GFOD1: variants seen among roughly 807,000 people sequenced by gnomAD.
The protein encoded by GFOD1 is Gfo/Idh/MocA-like oxidoreductase domain containing 1.
Under a neutral mutation model 25.4 loss-of-function variants are expected in GFOD1, and 9 were observed. That is an observed-to-expected ratio of 0.35 (90% CI 0.21 to 0.62). The LOEUF is 0.62. GFOD1 is among the 20% of genes least tolerant of loss of function. The probability of loss-of-function intolerance (pLI) is 0.72; values close to 1 mark genes in which losing one functional copy is unlikely to be tolerated. For missense variants in GFOD1, 403 were observed against 556.9 expected, an observed-to-expected ratio of 0.72 and a Z score of 2.78; for synonymous variants, 253 against 245.6, an observed-to-expected ratio of 1.03 and a Z score of -0.28.
At chr6:13,398,083 C>T (rs950480683) in intron 1 of GFOD1, among the ~76,000 whole-genome samples, 3 of 152,192 alleles carry the variant, frequency 2.0e-5, no homozygotes, top group South Asian at 4.1e-4. Context: ...GCTGCCAGCA[C>T]GAGCTGTTTC....
chr6:13,409,151 G>GAA (rs751020501), intron 1 of GFOD1, among the ~76,000 whole-genome samples: 1,384 of 64,566 alleles, frequency 0.021, 308 homozygotes, highest in African/African-American at 0.038. Context: ...GAAAGAAAGA[G>GAA]AGGAAAGAAA....
rs1277054449 is a variant in GFOD1 at position 13,409,301 on chromosome 6, AAAGG to A, written c.254-43643_254-43640del. On this transcript the variant is annotated intron_variant, in intron 1 of 1. Transcript: ENST00000379287. ...GAGAGACAGAGAGGAAGGAAGGAAG[AAAGG>A]AAGGAAGGAAGAAAGGAAGGAAGGA... Among the ~76,000 whole-genome samples the A allele has an allele frequency of 8.6e-5, 3 of 34,950 alleles. 1 individual carries two copies. Among genetic ancestry groups the A allele is most frequent in the African/African-American group, 1.2e-4 (3 of 24,882 alleles). The allele number at this position is 34,950 out of a possible 152,430, so 22.9% of individuals were successfully genotyped here.
chr6:13,418,470 A>G (rs557641839), intron 1 of GFOD1, among the ~76,000 whole-genome samples: 1 of 152,320 alleles, frequency 6.6e-6, no homozygotes, highest in Non-Finnish European at 1.5e-5. Flanking sequence ...TTTTTATCTC[A>G]GCCTTCAGTT....
intron 1 of GFOD1, among the ~76,000 whole-genome samples, chr6:13,387,565 C>T (rs1273296815): frequency 6.6e-6 from 1 of 152,216 alleles, no homozygotes; most frequent in Non-Finnish European, 1.5e-5. Flanking sequence ...CAAAATCCAA[C>T]AGCCCTTCAT....
At chr6:13,479,918 AC>A (rs1758710558) in intron 1 of GFOD1, among the ~76,000 whole-genome samples, 1 of 152,204 alleles carries the variant, frequency 6.6e-6, no homozygotes, top group African/African-American at 2.4e-5. Context: ...TCAAGCAAGA[AC>A]TGGAAATGCA....
At chr6:13,375,736 C>T (rs1192249258) in intron 1 of GFOD1, among the ~76,000 whole-genome samples, 3 of 152,234 alleles carry the variant, frequency 2.0e-5, no homozygotes, top group African/African-American at 7.2e-5. Flanking sequence ...TCCCCCATGA[C>T]TCAAGCCTGT....
chr6:13,423,572 G>A (rs9463764), intron 1 of GFOD1, among the ~76,000 whole-genome samples: 35,937 of 152,072 alleles, frequency 0.24, 4,331 homozygotes, highest in Middle Eastern at 0.34. Context: ...CATGAGTGTC[G>A]CAGGTTGCCC....
At chr6:13,457,652 A>G (rs1334066776) in intron 1 of GFOD1, among the ~76,000 whole-genome samples, 1 of 152,244 alleles carries the variant, frequency 6.6e-6, no homozygotes, top group East Asian at 1.9e-4. Flanking sequence ...AAGTGCCAAC[A>G]ACCATCTATA....
intron 1 of GFOD1, among the ~76,000 whole-genome samples, chr6:13,440,146 C>T (rs547088581): frequency 6.6e-6 from 1 of 152,160 alleles, no homozygotes; most frequent in African/African-American, 2.4e-5. Flanking sequence ...TCAGTTCTTC[C>T]ACGGAGTGCC....
At chr6:13,456,277 T>C (rs565618680) in intron 1 of GFOD1, among the ~76,000 whole-genome samples, 3 of 152,240 alleles carry the variant, frequency 2.0e-5, no homozygotes, top group East Asian at 1.9e-4. Flanking sequence ...TGGGCTCAAG[T>C]GATCTTCCCA....
intron 1 of GFOD1, among the ~76,000 whole-genome samples, chr6:13,447,893 G>A (rs1371088082): frequency 1.3e-5 from 2 of 152,074 alleles, no homozygotes; most frequent in African/African-American, 4.8e-5. Flanking sequence ...GGCACAGAGG[G>A]CTGAGGAGGG....
intron 1 of GFOD1, among the ~76,000 whole-genome samples, chr6:13,377,530 T>C (rs1207795068): frequency 6.6e-6 from 1 of 152,220 alleles, no homozygotes; most frequent in Non-Finnish European, 1.5e-5. Context: ...AGCAACAGCA[T>C]GTGGAAGTTG....
chr6:13,479,278 G>C (rs1232794995), intron 1 of GFOD1, among the ~76,000 whole-genome samples: 1 of 152,086 alleles, frequency 6.6e-6, no homozygotes, highest in Non-Finnish European at 1.5e-5. Context: ...GAGAGCTGAG[G>C]GCAGCTGCCA....
In GFOD1 at chr6:13,365,344, T is replaced by C; in HGVS notation, c.572A>G (p.Lys191Arg). The change falls in exon 2 of 2, where the codon AAG becomes AGG. Residue 191 changes from lysine to arginine, a missense_variant. Transcript: ENST00000379287. The surrounding 1 kb of genome is among the most constrained non-coding windows in gnomAD (Gnocchi z 9.2). ...GAGCAGCCCGTGGACCTTGACGGCC[T>C]TTTGGCCGGTGAGGAAGGTGAGCAG... ...IDLLTFLTGQ[K>R]AVKVHGLLKT... 3 of 1,614,132 alleles carry C rather than the reference T, an allele frequency of 1.9e-6. No homozygotes were observed. Among genetic ancestry groups the C allele is most frequent in the Non-Finnish European group, 2.5e-6 (3 of 1,180,002 alleles).
chr6:13,439,981 G>A (rs1046530872), intron 1 of GFOD1, among the ~76,000 whole-genome samples: 3 of 152,136 alleles, frequency 2.0e-5, no homozygotes, highest in South Asian at 2.1e-4. Context: ...GAGGAGACAG[G>A]ATTTGAACCC....
Position 13,487,038 on chromosome 6 carries a change from G to A in GFOD1, c.-148C>T, listed in dbSNP as rs1584681530. 2.0e-6 allele frequency: 2 copies of A among 977,626 alleles called. No individual in the cohort carries two copies. Among genetic ancestry groups the A allele is most frequent in the Admixed American group, 5.7e-5 (2 of 35,056 alleles). The allele number at this position is 977,626 out of a possible 1,614,324, so 60.6% of individuals were successfully genotyped here. A position where few individuals can be genotyped will look rare whatever the true frequency, so the allele number is the denominator to read the frequency against. Reference sequence around the variant, plus strand: ...GCCGTGCACCGGGCAAGGCGCCCGGGTGCCCAGAGCGCACCGAGCTGCAGG... The same window carrying A: ...GCCGTGCACCGGGCAAGGCGCCCGGATGCCCAGAGCGCACCGAGCTGCAGG... On this transcript the variant is annotated 5_prime_UTR_variant, in exon 1 of 2. Coordinates refer to ENST00000379287, the MANE Select transcript of GFOD1 (RefSeq NM_018988.4). The surrounding 1 kb of genome is among the most constrained non-coding windows in gnomAD (Gnocchi z 4.9).
intron 1 of GFOD1, among the ~76,000 whole-genome samples, chr6:13,374,196 A>G (rs1785204918): frequency 6.6e-6 from 1 of 152,026 alleles, no homozygotes; most frequent in Non-Finnish European, 1.5e-5. Flanking sequence ...CGATAGTAGT[A>G]GAGTCAAATC....
At chr6:13,445,358 A>G (rs79195183) in intron 1 of GFOD1, among the ~76,000 whole-genome samples, 4,044 of 152,302 alleles carry the variant, frequency 0.027, 146 homozygotes, top group African/African-American at 0.086. Context: ...CATGGCTATA[A>G]TCTCCTATCG....
intron 1 of GFOD1, among the ~76,000 whole-genome samples, chr6:13,457,630 G>C (rs542774820): frequency 1.8e-4 from 27 of 152,206 alleles, no homozygotes; most frequent in Non-Finnish European, 3.2e-4. Context: ...TAGAGACCGG[G>C]TATTTCCCTC....
Sources: gnomAD v4.1 joint callset for allele counts (sites outside exome capture counted in the v4.1 genomes callset) on GRCh38, gnomAD v4.1.1 for gene constraint, Gnocchi (gnomAD v3.1) non-coding constraint, MANE v1.5 for transcripts, NCBI Gene and HGNC (gene_info 2026-07-23, HGNC 2026-07-21) for gene names.